The following ANKRD30B variants were observed in gnomAD, a reference collection of about 807,000 sequenced individuals.
The protein encoded by ANKRD30B is ankyrin repeat domain-containing protein 30B.
Under a neutral mutation model 202.2 loss-of-function variants are expected in ANKRD30B, and 144 were observed. The ratio of observed to expected loss-of-function variants is 0.71; its 90% CI spans 0.62 to 0.82. The LOEUF is 0.82. Among genes scored for constraint, ANKRD30B ranks in the 40% least tolerant of loss-of-function variants. The pLI is 0.00. For synonymous variants in ANKRD30B, 508 were observed against 561.3 expected (o/e 0.91, Z 1.34); for missense variants, 1,487 against 1,669.1 (o/e 0.89, Z 1.90).
At chr18:14,777,175 A>G (rs1215554177) in intron 9 of ANKRD30B, among the ~76,000 whole-genome samples, 1 of 152,216 alleles carries the variant, frequency 6.6e-6, no homozygotes, top group African/African-American at 2.4e-5. Context: ...CAATAGCCAC[A>G]TGAAGATAAA....
At chr18:14,808,600 A>T (rs1206131192) in intron 25 of ANKRD30B, 21 bp downstream of exon 25, 1 of 1,573,496 alleles carries the variant, frequency 6.4e-7, no homozygotes, top group Non-Finnish European at 8.7e-7. Flanking sequence ...TTATATTTCT[A>T]TGTTGAATAT....
chr18:14,847,683 C>T (rs1455280908), intron 39 of ANKRD30B, among the ~76,000 whole-genome samples: 2 of 151,108 alleles, frequency 1.3e-5, no homozygotes, highest in Non-Finnish European at 2.9e-5. Context: ...TTATAAACAG[C>T]TTGATCCTTT....
chr18:14,815,927 A>G (rs1970075235), intron 30 of ANKRD30B, among the ~76,000 whole-genome samples: 1 of 152,194 alleles, frequency 6.6e-6, no homozygotes. Flanking sequence ...TGTGAAAATT[A>G]GTGGATATTT....
chr18:14,768,197 C>T (rs9303858), intron 7 of ANKRD30B, among the ~76,000 whole-genome samples: 54,505 of 151,704 alleles, frequency 0.36, 10,049 homozygotes, highest in Non-Finnish European at 0.4. Flanking sequence ...TCTTTAGAAC[C>T]CAGAAGGACT....
intron 15 of ANKRD30B, among the ~76,000 whole-genome samples, chr18:14,788,599 G>A (rs1426875790): frequency 1.3e-5 from 2 of 151,208 alleles, no homozygotes; most frequent in Middle Eastern, 3.2e-3. Context: ...CCATGTCCAT[G>A]TGTTCTCATT....
the ANKRD30B span, among the ~76,000 whole-genome samples, chr18:14,862,139 T>C: frequency 2.6e-5 from 4 of 151,390 alleles, no homozygotes; most frequent in Non-Finnish European, 5.9e-5. Context: ...AAAAACAATG[T>C]TAAGAGGAGA....
intron 9 of ANKRD30B, among the ~76,000 whole-genome samples, chr18:14,776,113 C>T (rs1967333854): frequency 6.6e-6 from 1 of 152,152 alleles, no homozygotes; most frequent in South Asian, 2.1e-4. Flanking sequence ...GGGATGGTAA[C>T]TTTCAGCAGG....
At chr18:14,875,854 G>A in the ANKRD30B span, among the ~76,000 whole-genome samples, 1 of 152,156 alleles carries the variant, frequency 6.6e-6, no homozygotes, top group African/African-American at 2.4e-5. Context: ...TACCCTCTCT[G>A]AAAGTGCGTT....
chr18:14,873,185 A>G, the ANKRD30B span, among the ~76,000 whole-genome samples: 1 of 152,174 alleles, frequency 6.6e-6, no homozygotes, highest in Non-Finnish European at 1.5e-5. Flanking sequence ...TATTCAGTAT[A>G]CTTATTTATT....
At chr18:14,866,603 G>A in the ANKRD30B span, among the ~76,000 whole-genome samples, 5 of 152,312 alleles carry the variant, frequency 3.3e-5, 1 homozygote, top group South Asian at 1.0e-3. Flanking sequence ...TGGCAACGGA[G>A]ACTGCATCTC....
chr18:14,921,474 G>A, the ANKRD30B span, among the ~76,000 whole-genome samples: 1 of 152,140 alleles, frequency 6.6e-6, no homozygotes, highest in Non-Finnish European at 1.5e-5. Context: ...AACCCAAGGT[G>A]TCACGAGGCC....
chr18:14,778,143 T>C, intron 10 of ANKRD30B, 68 bp downstream of exon 10: 1 of 1,011,204 alleles, frequency 9.9e-7, no homozygotes, highest in South Asian at 1.5e-5. Context: ...AGGACTGATA[T>C]ACTCTGACAG....
the ANKRD30B span, among the ~76,000 whole-genome samples, chr18:14,932,039 A>C: frequency 1.9e-5 from 2 of 103,282 alleles, no homozygotes; most frequent in Non-Finnish European, 2.0e-5. Context: ...GCCCCACCCC[A>C]CCTCCCTCCT....
chr18:14,824,593 A>T (rs1415745471), intron 32 of ANKRD30B, among the ~76,000 whole-genome samples: 1 of 152,202 alleles, frequency 6.6e-6, no homozygotes, highest in Non-Finnish European at 1.5e-5. Context: ...GGAATAATAA[A>T]TATGTAAATA....
At chr18:14,838,907 T>C (rs2487171) in intron 36 of ANKRD30B, among the ~76,000 whole-genome samples, 3 of 152,224 alleles carry the variant, frequency 2.0e-5, no homozygotes, top group Admixed American at 6.5e-5. Flanking sequence ...ACAAAATGAT[T>C]AAAGTGGCAT....
At chr18:14,870,516 G>T in the ANKRD30B span, among the ~76,000 whole-genome samples, 1 of 152,160 alleles carries the variant, frequency 6.6e-6, no homozygotes, top group Admixed American at 6.5e-5. Flanking sequence ...TGGCCTCAGT[G>T]TCCAAAGGGG....
At position 14,854,387 on chromosome 18, in the gene ANKRD30B, G is replaced by A. The variant is rs1366740084; in HGVS notation, c.*229G>A. Among the ~76,000 whole-genome samples, 2 of 152,164 alleles carry A rather than the reference G, an allele frequency of 1.3e-5. No individual in the cohort carries two copies. Among genetic ancestry groups the A allele is most frequent in the African/African-American group, 4.8e-5 (2 of 41,436 alleles). Reference sequence around the variant, plus strand: ...CACAGCATAGTGCAGAGATGTCCTGGCAGTGCTTCTGGTGTGTGGGATGGG... The same window carrying A: ...CACAGCATAGTGCAGAGATGTCCTGACAGTGCTTCTGGTGTGTGGGATGGG... On this transcript the variant is annotated 3_prime_UTR_variant, in exon 44 of 44. Coordinates refer to ENST00000690538, the MANE Select transcript of ANKRD30B (RefSeq NM_001367607.2).
the ANKRD30B span, among the ~76,000 whole-genome samples, chr18:14,936,815 A>C: frequency 7.9e-5 from 12 of 152,360 alleles, no homozygotes; most frequent in African/African-American, 2.9e-4. Context: ...TTCAGAGAAC[A>C]GACACAGACA....
At chr18:14,796,548 G>A (rs1968910041) in intron 18 of ANKRD30B, 133 bp downstream of exon 18, 5 of 1,170,898 alleles carry the variant, frequency 4.3e-6, no homozygotes, top group East Asian at 2.6e-5. Context: ...TAATGCCAAT[G>A]TTAGCATTTA....
Sources: gnomAD v4.1 joint callset for allele counts (sites outside exome capture counted in the v4.1 genomes callset) on GRCh38, gnomAD v4.1.1 for gene constraint, MANE v1.5 for transcripts, NCBI Gene and HGNC (gene_info 2026-07-23, HGNC 2026-07-21) for gene names.